Variants in DROSHA observed in about 807,000 individuals in gnomAD.
DROSHA encodes the protein ribonuclease 3.
A neutral mutation model predicts 181.9 loss-of-function variants in DROSHA; 56 were observed. The ratio of observed to expected loss-of-function variants is 0.31; its 90% confidence interval spans 0.25 to 0.38. The LOEUF (loss-of-function observed/expected upper bound fraction) is 0.38, where lower values mean the gene tolerates loss of function less well. Ranked by LOEUF, DROSHA falls within the 10% of genes least tolerant of loss-of-function variation. DROSHA has a pLI of 1.00. For missense variants in DROSHA, 1,218 were observed against 1,743.5 expected, an observed-to-expected ratio of 0.70 and a Z score of 5.37; for synonymous variants, 524 against 591.2, an observed-to-expected ratio of 0.89 and a Z score of 1.65.
At chr5:31,435,975 G>T in intron 24 of DROSHA, 111 bp from the exon 25 acceptor site, 1 of 891,594 alleles carries the variant, frequency 1.1e-6, no homozygotes, top group Non-Finnish European at 1.7e-6. Flanking sequence ...TGGATATCAG[G>T]TGAATCAAAC....
At chr5:31,511,909 T>C (rs201419449) in intron 8 of DROSHA, among the ~76,000 whole-genome samples, 2 of 68,838 alleles carry the variant, frequency 2.9e-5, no homozygotes, top group African/African-American at 4.6e-5. Context: ...ATATATCCCC[T>C]CTCTCTCTCT....
rs201552172 is a variant in DROSHA, at chr5:31,437,328, T to C, written c.2883-30A>G. ...AATAGGAATTAAAAAGGTTACTTAA[T>C]ACAGCATATTAACACTCCCCCCCAC... On this transcript the variant is annotated intron_variant, in intron 23 of 35. Transcript: ENST00000344624. 1,462 of 1,547,272 alleles carry C rather than the reference T, an allele frequency of 9.4e-4. 15 individuals are homozygous for C. The African/African-American group carries it at 0.018, about 19-fold the overall frequency.
At chr5:31,515,410 G>T in intron 7 of DROSHA, 44 bp downstream of exon 7, 1 of 1,107,822 alleles carries the variant, frequency 9.0e-7, no homozygotes, top group Non-Finnish European at 1.3e-6. Context: ...AAGTTTACTT[G>T]TTTAAAAATA....
chr5:31,451,963 G>A (rs1163336230), intron 20 of DROSHA, among the ~76,000 whole-genome samples: 1 of 152,162 alleles, frequency 6.6e-6, no homozygotes, highest in African/African-American at 2.4e-5. Context: ...ACCTACTTCC[G>A]AGGATAGCTA....
In DROSHA at chr5:31,526,726, G is replaced by A; in HGVS notation, c.207C>T (p.Pro69=). The A allele has an allele frequency of 1.9e-6, 3 of 1,562,234 alleles. No individual in the cohort carries two copies. Among genetic ancestry groups the A allele is most frequent in the South Asian group, 2.4e-5 (2 of 82,328 alleles). The part of the protein sequence containing the change: ...PSTTFSNSPA[P]NFLPPRPDFV... Reference sequence around the variant, plus strand: ...AGTCTGGTCGTGGAGGGAGAAAATTGGGGGCTGGAGAGTTTGAGAAAGTGG... The same window carrying A: ...AGTCTGGTCGTGGAGGGAGAAAATTAGGGGCTGGAGAGTTTGAGAAAGTGG... Residue 69 remains proline, a synonymous_variant, in exon 5 of 36, where the codon CCC becomes CCT. Transcript: ENST00000344624.
rs375227605 is a variant in DROSHA at position 31,526,844 on chromosome 5, G to A, written c.89C>T (p.Ser30Leu). The A allele has an allele frequency of 1.2e-6, 2 of 1,613,430 alleles. No homozygotes were observed. Among genetic ancestry groups the A allele is most frequent in the Non-Finnish European group, 1.7e-6 (2 of 1,179,822 alleles). Reference sequence around the variant, plus strand: ...ATTTTGGGGCCTAAAGGATGGTGCTGAGGGTCTGGCTCCATGTCCTCCTCG... The same window carrying A: ...ATTTTGGGGCCTAAAGGATGGTGCTAAGGGTCTGGCTCCATGTCCTCCTCG... ...RGRGGHGARPSAPSFRPQNLR... is the reference protein window; with the variant it reads ...RGRGGHGARPLAPSFRPQNLR... The change falls in exon 5 of 36, where the codon TCA (serine) becomes TTA (leucine). Residue 30 changes from serine (S) to leucine (L), a missense_variant. Coordinates refer to ENST00000344624, the MANE Select transcript of DROSHA (RefSeq NM_001382508.1).
At chr5:31,458,772 T>C (rs925219486) in intron 20 of DROSHA, among the ~76,000 whole-genome samples, 5 of 152,196 alleles carry the variant, frequency 3.3e-5, no homozygotes, top group African/African-American at 1.2e-4. Flanking sequence ...TTCATTTAAT[T>C]AATTTAAATT....
intron 8 of DROSHA, among the ~76,000 whole-genome samples, chr5:31,512,245 A>G (rs866125205): frequency 1.4e-4 from 21 of 152,354 alleles, no homozygotes; most frequent in Middle Eastern, 3.4e-3. Context: ...ATGCCGGTAT[A>G]GCTTTGACAT....
In DROSHA at chr5:31,467,835, C is replaced by A. The variant is rs141985588; in HGVS notation, c.2366+104G>T. On this transcript the variant is annotated intron_variant, in intron 18 of 35. Transcript: ENST00000344624. ...ATTGGAAGTATGGCTCATTTCAGGT[C>A]TTAATTTTTAAAAAGGAAACATCCA... 2.5e-4 allele frequency: 353 copies of A among 1,432,990 alleles called. 1 individual carries two copies. The African/African-American group carries it at 4.7e-3, about 19-fold the overall frequency. 88.8% of individuals were successfully genotyped at this position (1,432,990 alleles called of 1,614,324 possible).
chr5:31,481,201 C>T (rs950461633), intron 16 of DROSHA, among the ~76,000 whole-genome samples: 2 of 152,160 alleles, frequency 1.3e-5, no homozygotes, highest in South Asian at 2.1e-4. Context: ...GCATTTTATA[C>T]ATCAGGTATT....
At chr5:31,441,798 G>C (rs1745629553) in intron 23 of DROSHA, among the ~76,000 whole-genome samples, 1 of 152,142 alleles carries the variant, frequency 6.6e-6, no homozygotes, top group Admixed American at 6.5e-5. Context: ...TCTTTTTCAT[G>C]AGCCAGTAAA....
At chr5:31,419,509 T>C (rs1325164162) in intron 30 of DROSHA, among the ~76,000 whole-genome samples, 1 of 146,608 alleles carries the variant, frequency 6.8e-6, no homozygotes, top group East Asian at 2.1e-4. Context: ...TTTCTCTAGA[T>C]CATGGACAGG....
At position 31,461,686 on chromosome 5, in the gene DROSHA, T is replaced by A. The variant is rs548584639; in HGVS notation, c.2574+2550A>T. Among the ~76,000 whole-genome samples the A allele has an allele frequency of 6.6e-5, 10 of 151,908 alleles. No homozygotes were observed. In the South Asian group the frequency reaches 1.7e-3, roughly 25 times the overall value. On this transcript the variant is annotated intron_variant, in intron 20 of 35. Coordinates refer to ENST00000344624, the MANE Select transcript of DROSHA (RefSeq NM_001382508.1). ...AATATTTGTTGCAAAAATACTTATT[T>A]TGAGCCCAAAGTCAACTACACTAGT...
intron 16 of DROSHA, among the ~76,000 whole-genome samples, chr5:31,480,020 G>C (rs917464597): frequency 2.6e-4 from 40 of 151,350 alleles, no homozygotes; most frequent in African/African-American, 8.0e-4. Flanking sequence ...TAGCCATTCT[G>C]ATGTGTGTTC....
intron 13 of DROSHA, among the ~76,000 whole-genome samples, chr5:31,492,943 C>G (rs769818997): frequency 6.6e-6 from 1 of 152,170 alleles, no homozygotes; most frequent in Non-Finnish European, 1.5e-5. Flanking sequence ...CCTCCTTTTC[C>G]AATCTTTCAC....
chr5:31,464,825 C>G (rs549297386), intron 19 of DROSHA, among the ~76,000 whole-genome samples: 1 of 152,086 alleles, frequency 6.6e-6, no homozygotes, highest in Admixed American at 6.5e-5. Context: ...GACTATGATC[C>G]AAAATATCAC....
chr5:31,462,474 CA>C (rs1748509012), intron 20 of DROSHA, among the ~76,000 whole-genome samples: 1 of 151,974 alleles, frequency 6.6e-6, no homozygotes, highest in South Asian at 2.1e-4. Context: ...TTTTGCCTAC[CA>C]ACCTCGAAAC....
intron 20 of DROSHA, among the ~76,000 whole-genome samples, chr5:31,462,713 A>C (rs1020398775): frequency 3.3e-5 from 5 of 151,576 alleles, no homozygotes; most frequent in Non-Finnish European, 7.4e-5. Flanking sequence ...AGGGACTGCT[A>C]CAGGAGGTGG....
intron 18 of DROSHA, 181 bp from the exon 19 acceptor site, chr5:31,466,462 AAG>A (rs2150025858): frequency 1.8e-6 from 1 of 549,814 alleles, no homozygotes; most frequent in South Asian, 2.2e-5. Flanking sequence ...CAGGATGGAC[AAG>A]AGTCAACTGG....
Sources: allele counts gnomAD v4.1 joint callset (sites outside exome capture counted in the v4.1 genomes callset), GRCh38; gene constraint gnomAD v4.1.1; transcripts MANE v1.5; gene names NCBI Gene and HGNC (gene_info 2026-07-23, HGNC 2026-07-21).